Variants in KCNAB1 observed in about 807,000 individuals in gnomAD.
KCNAB1 encodes potassium voltage-gated channel subfamily A regulatory beta subunit 1.
KCNAB1 carries 35 observed loss-of-function variants against 64.6 expected under a neutral mutation model. The observed-to-expected ratio is 0.54, with a 90% CI of 0.41 to 0.72. The LOEUF (loss-of-function observed/expected upper bound fraction) is 0.72, where lower values mean the gene tolerates loss of function less well. KCNAB1 is among the 30% of genes least tolerant of loss of function. The pLI is 0.00. For synonymous variants in KCNAB1, 177 were observed against 183.8 expected, an observed-to-expected ratio of 0.96 and a Z score of 0.30; for missense variants, 401 against 512.9, an observed-to-expected ratio of 0.78 and a Z score of 2.11.
At chr3:156,422,563 G>A (rs1715533591) in intron 2 of KCNAB1, among the ~76,000 whole-genome samples, 1 of 152,216 alleles carries the variant, frequency 6.6e-6, no homozygotes, top group Non-Finnish European at 1.5e-5. Flanking sequence ...AGAAAAATGA[G>A]AGAGAAATTT....
rs143720080 is a variant in KCNAB1, at chr3:156,278,892, A to G, written c.276-142724A>G. On this transcript the variant is annotated intron_variant, in intron 1 of 13. Coordinates refer to ENST00000490337, the MANE Select transcript of KCNAB1 (RefSeq NM_172160.3). ...GGACATTAATAATGCTCAGTAAAAC[A>G]TTCATAATTTCAAATTCTGAATGTA... is the stretch of plus-strand genomic sequence containing the variant. 1.6e-3 allele frequency among the ~76,000 whole-genome samples: 237 copies of G among 152,308 alleles called. 3 individuals carry two copies. Among genetic ancestry groups the G allele is most frequent in the African/African-American group, 5.3e-3 (221 of 41,594 alleles).
At chr3:156,395,622 C>T (rs1223672024) in intron 1 of KCNAB1, among the ~76,000 whole-genome samples, 2 of 137,604 alleles carry the variant, frequency 1.5e-5, no homozygotes, top group Non-Finnish European at 3.1e-5. Flanking sequence ...TTGGTTCCAA[C>T]GTACTGTTTT....
intron 2 of KCNAB1, among the ~76,000 whole-genome samples, chr3:156,431,783 G>T (rs964362670): frequency 6.6e-6 from 1 of 152,212 alleles, no homozygotes; most frequent in African/African-American, 2.4e-5. Context: ...CTGGACAGTG[G>T]ACCCATATGG....
chr3:156,263,916 GT>G (rs1367489158), intron 1 of KCNAB1, among the ~76,000 whole-genome samples: 6 of 152,080 alleles, frequency 3.9e-5, no homozygotes, highest in African/African-American at 1.4e-4. Flanking sequence ...CTCACATAGA[GT>G]TGATTGACAG....
chr3:156,451,846 G>T (rs1025945770), intron 2 of KCNAB1, among the ~76,000 whole-genome samples: 1 of 151,788 alleles, frequency 6.6e-6, no homozygotes, highest in Non-Finnish European at 1.5e-5. Flanking sequence ...TTTCTTCTTC[G>T]TTCAGTTAAC....
chr3:156,483,735 C>T (rs755299203), intron 8 of KCNAB1, among the ~76,000 whole-genome samples: 1 of 152,098 alleles, frequency 6.6e-6, no homozygotes, highest in Non-Finnish European at 1.5e-5. Context: ...GCCTCAGGTC[C>T]GGCAAATCTT....
intron 2 of KCNAB1, among the ~76,000 whole-genome samples, chr3:156,430,828 G>A (rs893360891): frequency 8.5e-5 from 13 of 152,076 alleles, no homozygotes; most frequent in African/African-American, 2.2e-4. Context: ...GGCCCCTTGC[G>A]TCTCTCACAT....
At chr3:156,386,160 G>A (rs1712572072) in intron 1 of KCNAB1, among the ~76,000 whole-genome samples, 1 of 152,178 alleles carries the variant, frequency 6.6e-6, no homozygotes, top group Non-Finnish European at 1.5e-5. Flanking sequence ...TATTTTAAAA[G>A]GCTTTAGAAC....
intron 8 of KCNAB1, among the ~76,000 whole-genome samples, chr3:156,503,922 C>G (rs751598292): frequency 6.6e-6 from 1 of 152,156 alleles, no homozygotes; most frequent in Non-Finnish European, 1.5e-5. Flanking sequence ...ATTCAAAATA[C>G]TCTATTCTAG....
chr3:156,236,556 A>C (rs964674957), intron 1 of KCNAB1, among the ~76,000 whole-genome samples: 5 of 152,212 alleles, frequency 3.3e-5, no homozygotes, highest in African/African-American at 7.2e-5. Context: ...GGGGTGCTGC[A>C]GCAGCTGAAC....
chr3:156,163,706 G>T (rs1337271472), intron 1 of KCNAB1, among the ~76,000 whole-genome samples: 1 of 152,194 alleles, frequency 6.6e-6, no homozygotes, highest in Non-Finnish European at 1.5e-5. Flanking sequence ...AGAGATATAT[G>T]AATTTTGTCT....
chr3:156,464,730 T>A (rs1713228323), intron 6 of KCNAB1, among the ~76,000 whole-genome samples: 2 of 152,166 alleles, frequency 1.3e-5, no homozygotes, highest in South Asian at 2.1e-4. Context: ...GGAATTTAAA[T>A]TTTTTATTCC....
intron 1 of KCNAB1, among the ~76,000 whole-genome samples, chr3:156,342,776 A>G (rs951549840): frequency 6.6e-6 from 1 of 151,908 alleles, no homozygotes; most frequent in Non-Finnish European, 1.5e-5. Context: ...CTAATGAATT[A>G]CCAGGGCTGA....
intron 1 of KCNAB1, among the ~76,000 whole-genome samples, chr3:156,203,061 A>G (rs1332645694): frequency 3.9e-5 from 6 of 152,232 alleles, no homozygotes; most frequent in Non-Finnish European, 7.3e-5. Context: ...ATACACACAA[A>G]AGATGATCTT....
chr3:156,201,483 T>C (rs984324107), intron 1 of KCNAB1, among the ~76,000 whole-genome samples: 2 of 152,030 alleles, frequency 1.3e-5, no homozygotes, highest in African/African-American at 4.8e-5. Context: ...TCAAAGTTCA[T>C]AGTTTAGGGT....
At position 156,433,573 on chromosome 3, in the gene KCNAB1, T is replaced by C. The variant is rs140501079; in HGVS notation, c.319+11914T>C. ...AAAGAACAATTAAACAAGAATGTGA[T>C]AGAAGTAGAGAGGCAGAGAGATAGA... On this transcript the variant is annotated intron_variant, in intron 2 of 13. Coordinates refer to ENST00000490337, the MANE Select transcript of KCNAB1 (RefSeq NM_172160.3). Among the ~76,000 whole-genome samples the C allele has an allele frequency of 1.3e-4, 20 of 152,162 alleles. No individual in the cohort carries two copies. The East Asian group carries it at 3.5e-3, about 26-fold the overall frequency.
At chr3:156,461,620 A>G (rs1255819995) in intron 5 of KCNAB1, among the ~76,000 whole-genome samples, 3 of 152,222 alleles carry the variant, frequency 2.0e-5, no homozygotes, top group African/African-American at 7.2e-5. Flanking sequence ...TAGTACAGTG[A>G]GGTCTGCAAC....
chr3:156,345,709 G>C (rs1306241148), intron 1 of KCNAB1, among the ~76,000 whole-genome samples: 1 of 152,194 alleles, frequency 6.6e-6, no homozygotes. Flanking sequence ...AACTCTTTCA[G>C]AAGCAATTCA....
intron 8 of KCNAB1, among the ~76,000 whole-genome samples, chr3:156,502,259 G>A (rs747893520): frequency 2.8e-4 from 42 of 152,104 alleles, no homozygotes; most frequent in Non-Finnish European, 2.9e-4. Flanking sequence ...GGAAGGGAAG[G>A]ACATGCCCTA....
Sources: gnomAD v4.1 joint callset for allele counts (sites outside exome capture counted in the v4.1 genomes callset) on GRCh38, gnomAD v4.1.1 for gene constraint, MANE v1.5 for transcripts, NCBI Gene and HGNC (gene_info 2026-07-23, HGNC 2026-07-21) for gene names.